The following QTMAN variants were observed in gnomAD, a reference collection of about 807,000 sequenced individuals.
The protein encoded by QTMAN is queuosine-tRNA mannosyltransferase, also known as tRNA-queuosine alpha-mannosyltransferase.
At chr2:144,059,132 C>T in the QTMAN span, among the ~76,000 whole-genome samples, 1 of 152,334 alleles carries the variant, frequency 6.6e-6, no homozygotes, top group South Asian at 2.1e-4. Context: ...AGCCTCATCT[C>T]CACTCATTCC....
At chr2:144,275,099 T>G in the QTMAN span, among the ~76,000 whole-genome samples, 1 of 152,082 alleles carries the variant, frequency 6.6e-6, no homozygotes, top group Non-Finnish European at 1.5e-5. Context: ...TGGGAAAACT[T>G]ACCATGATGG....
chr2:144,182,127 T>C, the QTMAN span, among the ~76,000 whole-genome samples: 1 of 152,044 alleles, frequency 6.6e-6, no homozygotes. Flanking sequence ...AAAAAAAAAG[T>C]AAAAACTGGC....
the QTMAN span, among the ~76,000 whole-genome samples, chr2:144,220,613 C>G: frequency 6.6e-6 from 1 of 152,216 alleles, no homozygotes; most frequent in Non-Finnish European, 1.5e-5. Flanking sequence ...AGTAATTTCA[C>G]ACTTTGCAAA....
At chr2:144,147,400 C>T in the QTMAN span, among the ~76,000 whole-genome samples, 2 of 151,744 alleles carry the variant, frequency 1.3e-5, no homozygotes, top group Admixed American at 6.6e-5. Flanking sequence ...CACATATAAG[C>T]CTCTCTAAAA....
At chr2:144,201,480 A>G in the QTMAN span, among the ~76,000 whole-genome samples, 2 of 152,236 alleles carry the variant, frequency 1.3e-5, no homozygotes, top group South Asian at 4.1e-4. Flanking sequence ...TCTGGATTTT[A>G]CATAGGCAAT....
At chr2:144,098,462 C>T in the QTMAN span, among the ~76,000 whole-genome samples, 1 of 152,046 alleles carries the variant, frequency 6.6e-6, no homozygotes, top group Non-Finnish European at 1.5e-5. Context: ...TGCCTGTAAT[C>T]CTAGCATTTT....
chr2:144,076,115 C>T, the QTMAN span, among the ~76,000 whole-genome samples: 9 of 152,168 alleles, frequency 5.9e-5, no homozygotes, highest in African/African-American at 1.4e-4. Context: ...GGCGTGGTGG[C>T]GCGTGCCTGT....
chr2:144,052,342 AAGG>A, the QTMAN span, among the ~76,000 whole-genome samples: 1 of 152,218 alleles, frequency 6.6e-6, no homozygotes, highest in Non-Finnish European at 1.5e-5. Flanking sequence ...GAAGGCCAGC[AAGG>A]AGATTACTGC....
At chr2:144,261,484 C>T in the QTMAN span, among the ~76,000 whole-genome samples, 5 of 152,012 alleles carry the variant, frequency 3.3e-5, no homozygotes, top group Non-Finnish European at 7.4e-5. Context: ...TCTTCAAAAA[C>T]GTTAAATATA....
At chr2:144,035,407 TC>T in the QTMAN span, among the ~76,000 whole-genome samples, 175 of 152,296 alleles carry the variant, frequency 1.1e-3, no homozygotes, top group Middle Eastern at 0.01. Flanking sequence ...GTTTTTAAGC[TC>T]AAGTATAACA....
chr2:144,292,312 C>A, the QTMAN span, among the ~76,000 whole-genome samples: 2 of 152,164 alleles, frequency 1.3e-5, no homozygotes, highest in Non-Finnish European at 2.9e-5. Flanking sequence ...ATTTAAGACT[C>A]TCTTTTCTTG....
At chr2:144,250,679 G>A in the QTMAN span, among the ~76,000 whole-genome samples, 3 of 146,958 alleles carry the variant, frequency 2.0e-5, no homozygotes, top group African/African-American at 5.1e-5. Flanking sequence ...TCAACACACT[G>A]CCATCCACAC....
At chr2:144,142,777 A>G in the QTMAN span, among the ~76,000 whole-genome samples, 1 of 152,020 alleles carries the variant, frequency 6.6e-6, no homozygotes, top group South Asian at 2.1e-4. Context: ...ATAAAGGTAC[A>G]TATAAATTAT....
At chr2:143,952,033 C>T in the QTMAN span, 1 of 1,605,972 alleles carries the variant, frequency 6.2e-7, no homozygotes, top group Non-Finnish European at 8.5e-7. Context: ...AATTCTGGAG[C>T]CTTTTTGAAA....
chr2:144,324,722 G>C, the QTMAN span, among the ~76,000 whole-genome samples: 1 of 152,124 alleles, frequency 6.6e-6, no homozygotes, highest in Admixed American at 6.6e-5. Flanking sequence ...AAGACCAAGA[G>C]GTGAAAAGGA....
the QTMAN span, among the ~76,000 whole-genome samples, chr2:144,292,698 T>C: frequency 2.0e-4 from 31 of 152,274 alleles, no homozygotes; most frequent in African/African-American, 7.0e-4. Context: ...CAATGGAAAT[T>C]GAGTATGTTC....
chr2:144,220,499 T>C, the QTMAN span, among the ~76,000 whole-genome samples: 3 of 152,180 alleles, frequency 2.0e-5, no homozygotes, highest in African/African-American at 4.8e-5. Context: ...CAAGGAGACA[T>C]TCCAATGATA....
At chr2:144,317,376 AGGAAGGAT>A in the QTMAN span, 25 of 120,244 alleles carry the variant, frequency 2.1e-4, no homozygotes, top group African/African-American at 6.4e-4. Context: ...GAAGGAAGGA[AGGAAGGAT>A]GGAAGGAAGG....
chr2:144,253,410 T>G, the QTMAN span, among the ~76,000 whole-genome samples: 1 of 152,106 alleles, frequency 6.6e-6, no homozygotes, highest in Admixed American at 6.5e-5. Flanking sequence ...AAGCAGAGGT[T>G]GGAACAGTTT....
Sources: gnomAD v4.1 joint callset for allele counts (sites outside exome capture counted in the v4.1 genomes callset) on GRCh38, gnomAD v4.1.1 for gene constraint, MANE v1.5 for transcripts, NCBI Gene and HGNC (gene_info 2026-07-23, HGNC 2026-07-21) for gene names.